CDS1: variants seen among roughly 807,000 people sequenced by gnomAD.
The protein encoded by CDS1 is CDP-diacylglycerol synthase 1.
In CDS1, 41 loss-of-function variants were observed where a neutral mutation model predicts 62.1. The observed-to-expected ratio is 0.66, with a 90% CI of 0.51 to 0.86. The LOEUF is 0.86. CDS1 is among the 40% of genes least tolerant of loss of function. CDS1 has a pLI of 0.00. For missense variants in CDS1, 470 were observed against 550.1 expected, an observed-to-expected ratio of 0.85 and a Z score of 1.46; for synonymous variants, 185 against 192.6, an observed-to-expected ratio of 0.96 and a Z score of 0.32.
intron 3 of CDS1, among the ~76,000 whole-genome samples, chr4:84,611,269 G>A (rs1452694996): frequency 2.0e-5 from 3 of 152,234 alleles, no homozygotes; most frequent in Non-Finnish European, 4.4e-5. Flanking sequence ...ACAGCACACA[G>A]TGAGAGCCTG....
At chr4:84,596,507 C>T (rs1204299198) in intron 1 of CDS1, among the ~76,000 whole-genome samples, 1 of 152,184 alleles carries the variant, frequency 6.6e-6, no homozygotes, top group East Asian at 1.9e-4. Flanking sequence ...CTGCTTCTGT[C>T]ATCTCTTCTC....
chr4:84,647,556 GTC>G (rs1469236058), intron 12 of CDS1, among the ~76,000 whole-genome samples: 2 of 152,070 alleles, frequency 1.3e-5, no homozygotes, highest in Non-Finnish European at 2.9e-5. Flanking sequence ...TTCTCTGTTG[GTC>G]TCTACTTGGG....
rs770044262 is a variant in CDS1 at position 84,631,878 on chromosome 4, G to T, written c.639+1G>T. The T allele has an allele frequency of 6.3e-7, 1 of 1,597,552 alleles. No individual in the cohort carries two copies. Among genetic ancestry groups the T allele is most frequent in the South Asian group, 1.1e-5 (1 of 90,706 alleles). ...ACATTATCGTCTGCAGTTTTATATG[G>T]TGTGTATTAACTATTATTCCTTAGT... is the stretch of plus-strand genomic sequence containing the variant. On this transcript the variant is annotated splice_donor_variant, in intron 6 of 12. Transcript: ENST00000295887. LOFTEE classifies it high-confidence loss of function.
intron 1 of CDS1, among the ~76,000 whole-genome samples, chr4:84,588,732 C>T (rs1483894839): frequency 6.6e-6 from 1 of 152,098 alleles, no homozygotes; most frequent in Non-Finnish European, 1.5e-5. Flanking sequence ...ATATAAAAAT[C>T]TGAAAGTGGT....
chr4:84,597,226 C>G (rs572646740), intron 1 of CDS1, among the ~76,000 whole-genome samples: 2 of 151,882 alleles, frequency 1.3e-5, no homozygotes, highest in African/African-American at 4.8e-5. Context: ...GATTTGGGGA[C>G]GAGTCTTTCC....
Position 84,645,341 on chromosome 4 carries a change from A to G in CDS1, c.1256+16A>G. 7.0e-7 allele frequency: 1 copy of G among 1,429,432 alleles called. No individual in the cohort carries two copies. Among genetic ancestry groups the G allele is most frequent in the Non-Finnish European group, 9.8e-7 (1 of 1,016,860 alleles). 88.5% of individuals were successfully genotyped at this position (1,429,432 alleles called of 1,614,324 possible). Reference sequence around the variant, plus strand: ...GTTTTATAAGGTACTTTTACACTTGAGACATTTTTTAGATGATTTCTTTGA... The same window carrying G: ...GTTTTATAAGGTACTTTTACACTTGGGACATTTTTTAGATGATTTCTTTGA... On this transcript the variant is annotated intron_variant, in intron 12 of 12. Transcript: ENST00000295887.
intron 1 of CDS1, among the ~76,000 whole-genome samples, chr4:84,592,954 A>G (rs1208905535): frequency 6.6e-6 from 1 of 152,168 alleles, no homozygotes; most frequent in Non-Finnish European, 1.5e-5. Flanking sequence ...CACAAACAAT[A>G]TGGGGCTGTC....
intron 3 of CDS1, among the ~76,000 whole-genome samples, chr4:84,616,362 G>A (rs137961725): frequency 1.2e-4 from 19 of 152,232 alleles, no homozygotes; most frequent in African/African-American, 3.1e-4. Context: ...GATTGGACAC[G>A]TAATCAGTAT....
intron 12 of CDS1, among the ~76,000 whole-genome samples, chr4:84,648,254 C>T (rs149482962): frequency 7.2e-5 from 11 of 152,262 alleles, no homozygotes; most frequent in African/African-American, 2.4e-4. Context: ...CAAGATTTGC[C>T]ATTTATCCCC....
chr4:84,599,446 A>G (rs1314372893), intron 1 of CDS1, among the ~76,000 whole-genome samples: 4 of 144,722 alleles, frequency 2.8e-5, no homozygotes, highest in Non-Finnish European at 1.5e-5. Context: ...ATATATATAT[A>G]TATATGCCTA....
intron 8 of CDS1, 145 bp downstream of exon 8, chr4:84,635,496 C>T (rs1724155401): frequency 3.0e-6 from 2 of 672,692 alleles, no homozygotes; most frequent in African/African-American, 3.7e-5. Flanking sequence ...AAGCAGCAAA[C>T]CATATTTCTC....
chr4:84,596,398 G>A (rs1239839332), intron 1 of CDS1, among the ~76,000 whole-genome samples: 3 of 152,206 alleles, frequency 2.0e-5, no homozygotes, highest in African/African-American at 7.2e-5. Flanking sequence ...GGCTGCAGGG[G>A]AAAATCTGTT....
In CDS1 at chr4:84,636,813, C is replaced by T. The variant is rs1293416273; in HGVS notation, c.810+1462C>T. 4.6e-5 allele frequency among the ~76,000 whole-genome samples: 7 copies of T among 152,352 alleles called. No individual in the cohort carries two copies. The East Asian group carries it at 1.3e-3, about 29-fold the overall frequency. ...GTGCTGGGATTACAGGCGTGAGCCA[C>T]CACACCCGGCCTAAAAGAGCTTTTC... On this transcript the variant is annotated intron_variant, in intron 8 of 12. Coordinates refer to ENST00000295887, the MANE Select transcript of CDS1 (RefSeq NM_001263.4).
intron 2 of CDS1, among the ~76,000 whole-genome samples, chr4:84,606,439 G>T (rs574597633): frequency 2.2e-4 from 34 of 152,146 alleles, no homozygotes; most frequent in Middle Eastern, 6.8e-3. Flanking sequence ...AACATTTCAT[G>T]CAGGATCCTA....
rs1722314772 is a variant in CDS1, at chr4:84,583,459, C to T, written c.58C>T (p.Pro20Ser). 2 of 1,583,936 alleles carry T rather than the reference C, an allele frequency of 1.3e-6. No individual in the cohort carries two copies. The highest frequency in any genetic ancestry group is 2.3e-5 in the South Asian group (2 of 87,684). The change falls in exon 1 of 13, where the codon CCA becomes TCA. Residue 20 changes from proline to serine, a missense_variant. Coordinates refer to ENST00000295887, the MANE Select transcript of CDS1 (RefSeq NM_001263.4). ...CPGPREAVSP[P>S]HREGEAAGGD... Reference sequence around the variant, plus strand: ...CGGCCCCAGGGAAGCGGTGTCGCCGCCACACCGCGAGGGAGAGGCGGCCGG... The same window carrying T: ...CGGCCCCAGGGAAGCGGTGTCGCCGTCACACCGCGAGGGAGAGGCGGCCGG...
At chr4:84,609,821 C>T (rs1039621314) in intron 3 of CDS1, among the ~76,000 whole-genome samples, 1 of 151,698 alleles carries the variant, frequency 6.6e-6, no homozygotes, top group Non-Finnish European at 1.5e-5. Flanking sequence ...TGAGCCTGGG[C>T]AAAAAAACAC....
intron 5 of CDS1, among the ~76,000 whole-genome samples, chr4:84,621,000 C>T (rs991456754): frequency 9.2e-5 from 14 of 152,056 alleles, no homozygotes; most frequent in East Asian, 1.9e-4. Context: ...GCGGAGGTTG[C>T]GGTGAGCCGA....
At chr4:84,592,588 G>GT (rs1274182229) in intron 1 of CDS1, among the ~76,000 whole-genome samples, 1 of 152,138 alleles carries the variant, frequency 6.6e-6, no homozygotes, top group Admixed American at 6.5e-5. Context: ...GTCATTGAAT[G>GT]TTTGTTTGCT....
chr4:84,634,253 A>T (rs1474371866), intron 7 of CDS1, among the ~76,000 whole-genome samples: 1 of 152,116 alleles, frequency 6.6e-6, no homozygotes, highest in African/African-American at 2.4e-5. Flanking sequence ...TAAATATAAT[A>T]TTTATTAAGA....
Sources: gnomAD v4.1 joint callset for allele counts (sites outside exome capture counted in the v4.1 genomes callset) on GRCh38, gnomAD v4.1.1 for gene constraint, MANE v1.5 for transcripts, NCBI Gene and HGNC (gene_info 2026-07-23, HGNC 2026-07-21) for gene names.